The following CTIF variants were observed in gnomAD, a reference collection of about 807,000 sequenced individuals.
The protein encoded by CTIF is cap binding complex dependent translation initiation factor.
A neutral mutation model predicts 66.0 loss-of-function variants in CTIF; 21 were observed. The ratio of observed to expected loss-of-function variants is 0.32; its 90% CI spans 0.23 to 0.46. CTIF has a LOEUF of 0.46. CTIF is among the 20% of genes least tolerant of loss of function. CTIF has a pLI of 1.00. For missense variants in CTIF, 739 were observed against 812.7 expected, an observed-to-expected ratio of 0.91 and a Z score of 1.10; for synonymous variants, 345 against 326.4, an observed-to-expected ratio of 1.06 and a Z score of -0.62.
chr18:48,600,499 G>A (rs996044618), intron 1 of CTIF, among the ~76,000 whole-genome samples: 19 of 152,128 alleles, frequency 1.2e-4, no homozygotes, highest in African/African-American at 4.3e-4. Context: ...CTCTGGGGAT[G>A]TCCTTGAGCA....
At chr18:48,752,996 C>T (rs1283881158) in intron 7 of CTIF, among the ~76,000 whole-genome samples, 3 of 152,182 alleles carry the variant, frequency 2.0e-5, no homozygotes, top group South Asian at 2.1e-4. Context: ...TATATGCCAT[C>T]GCTCGACTAA....
At chr18:48,579,202 A>C (rs1476260552) in intron 1 of CTIF, among the ~76,000 whole-genome samples, 1 of 152,158 alleles carries the variant, frequency 6.6e-6, no homozygotes, top group Non-Finnish European at 1.5e-5. Context: ...GCCTTGGCTC[A>C]CTGCAACCTC....
intron 7 of CTIF, among the ~76,000 whole-genome samples, chr18:48,747,938 A>AATT (rs767193504): frequency 2.1e-4 from 32 of 150,312 alleles, no homozygotes; most frequent in Admixed American, 1.3e-3. Flanking sequence ...AAATAATAAT[A>AATT]ATTATTATTA....
chr18:48,688,662 T>C (rs2091881248), intron 6 of CTIF, among the ~76,000 whole-genome samples: 1 of 152,258 alleles, frequency 6.6e-6, no homozygotes, highest in South Asian at 2.1e-4. Context: ...AGCCACTGAC[T>C]TGGGGCCCAG....
intron 7 of CTIF, among the ~76,000 whole-genome samples, chr18:48,726,579 T>G (rs534626236): frequency 1.3e-5 from 2 of 152,268 alleles, no homozygotes; most frequent in African/African-American, 4.8e-5. Flanking sequence ...GGTCACAAGG[T>G]GGACCTCTTC....
chr18:48,744,552 ATACATTTT>A lies in CTIF; in HGVS notation c.585-13365_585-13358del, dbSNP rs111586747. 3.9e-4 allele frequency among the ~76,000 whole-genome samples: 60 copies of A among 152,262 alleles called. 2 individuals are homozygous for A. Among genetic ancestry groups the A allele is most frequent in the African/African-American group, 1.4e-3 (58 of 41,548 alleles). ...AACATTTTATCCTTCTCTCTCTCGT[ATACATTTT>A]TTTCTGACCCGTCTGAAAGTAAGTT... is the stretch of plus-strand genomic sequence containing the variant. On this transcript the variant is annotated intron_variant, in intron 7 of 11. Transcript: ENST00000256413.
intron 1 of CTIF, among the ~76,000 whole-genome samples, chr18:48,597,467 T>C (rs1006386528): frequency 3.9e-5 from 6 of 152,200 alleles, no homozygotes; most frequent in African/African-American, 1.4e-4. Context: ...AGATGGATCC[T>C]TCATGAATGG....
intron 3 of CTIF, among the ~76,000 whole-genome samples, chr18:48,637,391 T>G (rs979297882): frequency 2.7e-4 from 41 of 152,296 alleles, no homozygotes; most frequent in Admixed American, 1.8e-3. Flanking sequence ...ACCTCATCCC[T>G]GCCTGCAGGA....
intron 6 of CTIF, among the ~76,000 whole-genome samples, chr18:48,698,046 G>A (rs868103743): frequency 1.5e-5 from 2 of 134,890 alleles, no homozygotes; most frequent in South Asian, 2.5e-4. Context: ...TGGCACTGCA[G>A]GGCAACTCTC....
chr18:48,768,867 G>A (rs1338832873), intron 9 of CTIF, among the ~76,000 whole-genome samples: 1 of 152,226 alleles, frequency 6.6e-6, no homozygotes, highest in Non-Finnish European at 1.5e-5. Context: ...CCCTGCTGTT[G>A]CGCTCCAGTG....
intron 1 of CTIF, among the ~76,000 whole-genome samples, chr18:48,544,755 G>T (rs1315270566): frequency 6.6e-6 from 1 of 152,210 alleles, no homozygotes; most frequent in African/African-American, 2.4e-5. Context: ...GGGTAGAACA[G>T]ACCTAAGAGG....
chr18:48,672,590 T>G (rs1051407654), intron 6 of CTIF, among the ~76,000 whole-genome samples: 3 of 152,114 alleles, frequency 2.0e-5, no homozygotes, highest in Admixed American at 6.5e-5. Context: ...ATAAGCGGGC[T>G]TCCTAGAGAC....
intron 9 of CTIF, among the ~76,000 whole-genome samples, chr18:48,810,153 T>C (rs1224921957): frequency 6.6e-6 from 1 of 152,114 alleles, no homozygotes; most frequent in Non-Finnish European, 1.5e-5. Flanking sequence ...ACATTCTAGT[T>C]TTTATACTAA....
intron 10 of CTIF, among the ~76,000 whole-genome samples, chr18:48,845,045 AC>A (rs1231114146): frequency 6.7e-6 from 1 of 148,584 alleles, no homozygotes; most frequent in Non-Finnish European, 1.5e-5. Flanking sequence ...ATTCTAGGTG[AC>A]CCTGTGCCAG....
At chr18:48,730,606 C>CGG (rs2092442855) in intron 7 of CTIF, among the ~76,000 whole-genome samples, 1 of 68,484 alleles carries the variant, frequency 1.5e-5, no homozygotes, top group Non-Finnish European at 3.0e-5. Context: ...GGGGCTTCTG[C>CGG]TGTGTGAGGG....
chr18:48,644,114 C>T (rs1394938806), intron 3 of CTIF, among the ~76,000 whole-genome samples: 2 of 152,192 alleles, frequency 1.3e-5, no homozygotes, highest in South Asian at 2.1e-4. Flanking sequence ...CAGCCGAGCA[C>T]GGCAAGTCTT....
chr18:48,703,724 AC>A, intron 6 of CTIF, among the ~76,000 whole-genome samples: 1 of 151,636 alleles, frequency 6.6e-6, no homozygotes, highest in Middle Eastern at 3.4e-3. Context: ...GCACTTCAAA[AC>A]CTCATTGGGG....
At chr18:48,705,032 C>A (rs2092134164) in intron 6 of CTIF, among the ~76,000 whole-genome samples, 1 of 151,224 alleles carries the variant, frequency 6.6e-6, no homozygotes, top group South Asian at 2.1e-4. Flanking sequence ...GAGACAAGAG[C>A]CTTTTCCAGC....
rs541756452 is a variant in CTIF, at chr18:48,859,328, A to C, written c.1582-16A>C. The C allele has an allele frequency of 1.2e-6, 2 of 1,612,834 alleles. No homozygotes were observed. Among genetic ancestry groups the C allele is most frequent in the South Asian group, 2.2e-5 (2 of 91,056 alleles). ...TGGGACCCGAGGCCATCCTAACCCCACATCTCTGTCTGCAGCTGCAGAGTA... is the reference window on the plus strand; with the variant it reads ...TGGGACCCGAGGCCATCCTAACCCCCCATCTCTGTCTGCAGCTGCAGAGTA... On this transcript the variant is annotated splice_polypyrimidine_tract_variant and intron_variant, in intron 11 of 11. Coordinates refer to ENST00000256413, the MANE Select transcript of CTIF (RefSeq NM_014772.3).
Sources: allele counts gnomAD v4.1 joint callset (sites outside exome capture counted in the v4.1 genomes callset), GRCh38; gene constraint gnomAD v4.1.1; transcripts MANE v1.5; gene names NCBI Gene and HGNC (gene_info 2026-07-23, HGNC 2026-07-21).